Variants in SCOC observed in about 807,000 individuals in gnomAD.
SCOC encodes the protein short coiled coil protein.
A neutral mutation model predicts 9.9 loss-of-function variants in SCOC; 7 were observed. The ratio of observed to expected loss-of-function variants is 0.71; its 90% CI spans 0.40 to 1.33. The LOEUF (loss-of-function observed/expected upper bound fraction) is 1.33. SCOC is among the 40% of genes most tolerant of loss of function. The pLI is 0.01. For synonymous variants in SCOC, 19 were observed against 28.2 expected (o/e 0.67, Z 1.03); for missense variants, 66 against 89.7 (o/e 0.74, Z 1.07).
At chr4:140,346,442 C>T (rs1034404307) in intron 2 of SCOC, among the ~76,000 whole-genome samples, 2 of 152,162 alleles carry the variant, frequency 1.3e-5, no homozygotes, top group South Asian at 2.1e-4. Flanking sequence ...TCAGACCTAT[C>T]GCTGTCTCCT....
intron 2 of SCOC, among the ~76,000 whole-genome samples, chr4:140,352,215 AT>A (rs144268391): frequency 7.2e-4 from 109 of 152,356 alleles, no homozygotes; most frequent in African/African-American, 2.6e-3. Context: ...CCTTAAGGGT[AT>A]TGAAAAAGAT....
At chr4:140,301,848 T>C (rs1356098996) in intron 1 of SCOC, among the ~76,000 whole-genome samples, 1 of 152,262 alleles carries the variant, frequency 6.6e-6, no homozygotes, top group Non-Finnish European at 1.5e-5. Context: ...GTTTGTTTTT[T>C]GGAAACAAGT....
intron 1 of SCOC, chr4:140,376,351 A>C (rs1008627331): frequency 6.6e-6 from 1 of 152,224 alleles, no homozygotes; most frequent in East Asian, 1.9e-4. Flanking sequence ...ACATCACAAT[A>C]AAATACAATT....
intron 1 of SCOC, among the ~76,000 whole-genome samples, chr4:140,326,151 G>C (rs1442975146): frequency 6.6e-6 from 1 of 152,194 alleles, no homozygotes; most frequent in Non-Finnish European, 1.5e-5. Flanking sequence ...AAACAGGTCA[G>C]TGGTTCAGTG....
intron 1 of SCOC, among the ~76,000 whole-genome samples, chr4:140,283,402 C>A (rs1731144133): frequency 6.6e-6 from 1 of 152,142 alleles, no homozygotes; most frequent in Admixed American, 6.5e-5. Flanking sequence ...ATTTCTATGA[C>A]ACAGGAAAGC....
At position 140,373,727 on chromosome 4, in the gene SCOC, G is replaced by C; in HGVS notation, c.-51+10G>C. The C allele has an allele frequency of 6.5e-7, 1 of 1,544,124 alleles. No individual in the cohort carries two copies. The highest frequency in any genetic ancestry group is 8.7e-7 in the Non-Finnish European group (1 of 1,146,278). ...GCGCCTCAAGCGGAAGGTGAGGGCC[G>C]TCCCGGGCAGCGGAGGGCCTGGCCC... On this transcript the variant is annotated intron_variant, in intron 1 of 3. Coordinates refer to ENST00000608372, the MANE Select transcript of SCOC (RefSeq NM_001153484.2).
intron 2 of SCOC, among the ~76,000 whole-genome samples, chr4:140,362,283 TC>T (rs1259641822): frequency 5.8e-5 from 1 of 17,366 alleles, no homozygotes; most frequent in African/African-American, 3.9e-4. Flanking sequence ...CCTTACTTCT[TC>T]TTCTTCTTCT....
chr4:140,311,211 G>A, intron 1 of SCOC, among the ~76,000 whole-genome samples: 1 of 152,042 alleles, frequency 6.6e-6, no homozygotes, highest in Non-Finnish European at 1.5e-5. Flanking sequence ...ACTCTAGCCT[G>A]GGCAACAGAC....
intron 2 of SCOC, among the ~76,000 whole-genome samples, chr4:140,353,963 T>G (rs1446394291): frequency 6.6e-6 from 1 of 152,254 alleles, no homozygotes; most frequent in South Asian, 2.1e-4. Context: ...CTCAGAGCAC[T>G]TGCCTGCGCA....
chr4:140,326,497 CA>C (rs1402539719), intron 1 of SCOC, among the ~76,000 whole-genome samples: 1 of 152,106 alleles, frequency 6.6e-6, no homozygotes, highest in Non-Finnish European at 1.5e-5. Context: ...GGCATGACTT[CA>C]AAAAAGTTCA....
intron 1 of SCOC, among the ~76,000 whole-genome samples, chr4:140,376,104 G>T (rs1018941226): frequency 1.3e-5 from 2 of 152,160 alleles, no homozygotes; most frequent in African/African-American, 2.4e-5. Context: ...AATTTGAAAA[G>T]CTCAGTATTA....
At chr4:140,335,621 G>A (rs891080065) in intron 1 of SCOC, among the ~76,000 whole-genome samples, 8 of 152,094 alleles carry the variant, frequency 5.3e-5, no homozygotes, top group Non-Finnish European at 2.9e-5. Flanking sequence ...TTCTCTCCGG[G>A]AATCTCCTGA....
intron 1 of SCOC, among the ~76,000 whole-genome samples, chr4:140,257,712 T>G (rs1730539935): frequency 6.6e-6 from 1 of 152,194 alleles, no homozygotes. Context: ...AAGCATAGAA[T>G]GTGTGAAGAG....
intron 2 of SCOC, chr4:140,362,763 C>G (rs1727626290): frequency 6.6e-6 from 1 of 152,116 alleles, no homozygotes; most frequent in Non-Finnish European, 1.5e-5. Context: ...CCTTTTTAAA[C>G]TTTAGATATC....
intron 1 of SCOC, among the ~76,000 whole-genome samples, chr4:140,307,060 C>G (rs550060768): frequency 6.6e-6 from 1 of 152,170 alleles, no homozygotes; most frequent in African/African-American, 2.4e-5. Flanking sequence ...ACAAGAGGCC[C>G]AAGGGACGTT....
rs1208585049 is a variant in SCOC at position 140,381,389 on chromosome 4, G to T, written c.*285G>T. ...TTATTGAATTTGTAGGTTTAGCACTGTCTTTTATTATAGGATTAGTAAGAT... is the reference window on the plus strand; with the variant it reads ...TTATTGAATTTGTAGGTTTAGCACTTTCTTTTATTATAGGATTAGTAAGAT... On this transcript the variant is annotated 3_prime_UTR_variant, in exon 4 of 4. Transcript: ENST00000608372. 1 of 213,316 alleles carries T rather than the reference G, an allele frequency of 4.7e-6. No homozygotes were observed. The highest frequency in any genetic ancestry group is 9.3e-6 in the Non-Finnish European group (1 of 107,400). 13.2% of individuals were successfully genotyped at this position (213,316 alleles called of 1,614,324 possible).
intron 2 of SCOC, among the ~76,000 whole-genome samples, chr4:140,346,473 C>G (rs1298710099): frequency 6.6e-6 from 1 of 152,156 alleles, no homozygotes; most frequent in African/African-American, 2.4e-5. Context: ...TCGCCTCCCC[C>G]TTATACTGCT....
intron 1 of SCOC, among the ~76,000 whole-genome samples, chr4:140,286,750 G>T (rs78180498): frequency 0.016 from 2,392 of 152,316 alleles, 50 homozygotes; most frequent in East Asian, 0.13. Flanking sequence ...TGCGGGAGGC[G>T]GGGCGCTGGA....
chr4:140,267,617 C>T (rs536210486), intron 1 of SCOC, among the ~76,000 whole-genome samples: 58 of 152,204 alleles, frequency 3.8e-4, no homozygotes, highest in African/African-American at 1.2e-3. Context: ...CCTTCCCAGC[C>T]GCGCACCTCT....
Sources: gnomAD v4.1 joint callset for allele counts (sites outside exome capture counted in the v4.1 genomes callset) on GRCh38, gnomAD v4.1.1 for gene constraint, MANE v1.5 for transcripts, NCBI Gene and HGNC (gene_info 2026-07-23, HGNC 2026-07-21) for gene names.